Variants in DPP10 observed in about 807,000 individuals in gnomAD.
The protein encoded by DPP10 is inactive dipeptidyl peptidase 10.
In DPP10, 33 loss-of-function variants were observed where a neutral mutation model predicts 120.9. The ratio of observed to expected loss-of-function variants is 0.27; its 90% CI spans 0.21 to 0.37. DPP10 has a LOEUF of 0.37. Among genes scored for constraint, DPP10 ranks in the 10% least tolerant of loss-of-function variants. The pLI is 1.00. For missense variants in DPP10, 816 were observed against 942.8 expected (o/e 0.87, Z 1.76); for synonymous variants, 337 against 326.1 (o/e 1.03, Z -0.36).
chr2:114,884,506 T>C (rs1691895130), intron 1 of DPP10, among the ~76,000 whole-genome samples: 1 of 152,304 alleles, frequency 6.6e-6, no homozygotes, highest in East Asian at 1.9e-4. Context: ...AGCCAAGTTT[T>C]TCTCCATCAC....
chr2:115,393,811 T>C (rs957030859), intron 3 of DPP10, among the ~76,000 whole-genome samples: 2 of 152,336 alleles, frequency 1.3e-5, no homozygotes, highest in African/African-American at 2.4e-5. Context: ...TAAGCTGGTA[T>C]ACCAAGCATG....
At chr2:115,094,173 T>G (rs1007118553) in intron 1 of DPP10, among the ~76,000 whole-genome samples, 1 of 152,142 alleles carries the variant, frequency 6.6e-6, no homozygotes, top group Non-Finnish European at 1.5e-5. Context: ...GTTTAATCAC[T>G]GTTACTTTAC....
At chr2:114,455,726 T>G (rs1034856002) in intron 1 of DPP10, among the ~76,000 whole-genome samples, 1 of 59,008 alleles carries the variant, frequency 1.7e-5, no homozygotes, top group Non-Finnish European at 3.9e-5. Context: ...CACAAATTCA[T>G]TTGTTTTTTT....
chr2:114,658,277 G>T (rs1015403086), intron 1 of DPP10, among the ~76,000 whole-genome samples: 1 of 152,144 alleles, frequency 6.6e-6, no homozygotes, highest in African/African-American at 2.4e-5. Context: ...ATTTGACATG[G>T]TGGAGAGAGT....
intron 19 of DPP10, among the ~76,000 whole-genome samples, chr2:115,810,068 C>A (rs2150016304): frequency 6.6e-6 from 1 of 151,576 alleles, no homozygotes; most frequent in South Asian, 2.1e-4. Context: ...GAGGCTGAGG[C>A]AGGAGAATTG....
At chr2:115,386,111 G>C (rs1194647140) in intron 3 of DPP10, among the ~76,000 whole-genome samples, 1 of 152,126 alleles carries the variant, frequency 6.6e-6, no homozygotes, top group Non-Finnish European at 1.5e-5. Flanking sequence ...AAATCTCCTA[G>C]AAAATTAATT....
At chr2:114,914,000 A>C (rs1048284337) in intron 1 of DPP10, among the ~76,000 whole-genome samples, 2 of 152,206 alleles carry the variant, frequency 1.3e-5, no homozygotes, top group African/African-American at 4.8e-5. Flanking sequence ...CACTTCTTCA[A>C]ATCAACTCAA....
chr2:114,968,516 T>C (rs1699187008), intron 1 of DPP10, among the ~76,000 whole-genome samples: 1 of 152,212 alleles, frequency 6.6e-6, no homozygotes, highest in South Asian at 2.1e-4. Context: ...TATATGTTCT[T>C]GGAAGATGAA....
At chr2:115,618,884 C>G (rs2084724743) in intron 5 of DPP10, among the ~76,000 whole-genome samples, 1 of 151,644 alleles carries the variant, frequency 6.6e-6, no homozygotes, top group Non-Finnish European at 1.5e-5. Flanking sequence ...AGTCTGATTT[C>G]TTATAATTTT....
At chr2:114,927,463 G>A (rs1403336315) in intron 1 of DPP10, among the ~76,000 whole-genome samples, 1 of 152,126 alleles carries the variant, frequency 6.6e-6, no homozygotes, top group Non-Finnish European at 1.5e-5. Flanking sequence ...GAAAGGCAGA[G>A]ACAACTCAAA....
At chr2:115,109,299 A>G (rs2049097125) in intron 1 of DPP10, among the ~76,000 whole-genome samples, 1 of 152,136 alleles carries the variant, frequency 6.6e-6, no homozygotes, top group Non-Finnish European at 1.5e-5. Flanking sequence ...GCAGTTTGGG[A>G]GGCCGAGGTG....
chr2:114,919,197 T>C (rs1695022965), intron 1 of DPP10, among the ~76,000 whole-genome samples: 1 of 152,082 alleles, frequency 6.6e-6, no homozygotes, highest in African/African-American at 2.4e-5. Flanking sequence ...TCAACTTAAG[T>C]GTAAAATATA....
At chr2:115,186,520 CAAA>C (rs2054450284) in intron 1 of DPP10, among the ~76,000 whole-genome samples, 1 of 152,068 alleles carries the variant, frequency 6.6e-6, no homozygotes, top group Non-Finnish European at 1.5e-5. Flanking sequence ...GGAGGTGAGT[CAAA>C]GAAGTCTTCC....
chr2:115,555,928 C>T (rs2080183238), intron 5 of DPP10, among the ~76,000 whole-genome samples: 1 of 152,016 alleles, frequency 6.6e-6, no homozygotes, highest in Admixed American at 6.6e-5. Flanking sequence ...CTTCTAGCTT[C>T]TTTATTGGCA....
chr2:115,044,785 A>G (rs1196668394), intron 1 of DPP10, among the ~76,000 whole-genome samples: 4 of 152,098 alleles, frequency 2.6e-5, no homozygotes, highest in Non-Finnish European at 5.9e-5. Flanking sequence ...ACCCTTCCCA[A>G]TGTCTGATAA....
At chr2:114,991,023 A>C (rs1700724192) in intron 1 of DPP10, among the ~76,000 whole-genome samples, 1 of 152,218 alleles carries the variant, frequency 6.6e-6, no homozygotes, top group Non-Finnish European at 1.5e-5. Context: ...TGAAGAACAT[A>C]TTTCTTAAAT....
At chr2:114,719,686 A>G (rs966603538) in intron 1 of DPP10, among the ~76,000 whole-genome samples, 1 of 152,220 alleles carries the variant, frequency 6.6e-6, no homozygotes, top group Non-Finnish European at 1.5e-5. Context: ...AAATGACAAA[A>G]GGCATATTAA....
chr2:115,269,937 T>C (rs2059618489), intron 1 of DPP10, among the ~76,000 whole-genome samples: 1 of 152,146 alleles, frequency 6.6e-6, no homozygotes, highest in African/African-American at 2.4e-5. Context: ...CTATAAACTT[T>C]AGCCCTGCCC....
intron 1 of DPP10, among the ~76,000 whole-genome samples, chr2:114,742,285 G>A (rs534858837): frequency 1.3e-5 from 2 of 151,762 alleles, no homozygotes; most frequent in African/African-American, 4.8e-5. Context: ...AAAAACTAAT[G>A]TTGACTAATG....
Sources: allele counts gnomAD v4.1 joint callset (sites outside exome capture counted in the v4.1 genomes callset), GRCh38; gene constraint gnomAD v4.1.1; transcripts MANE v1.5; gene names NCBI Gene and HGNC (gene_info 2026-07-23, HGNC 2026-07-21).